Variants in TMTC3 observed in about 807,000 individuals in gnomAD.
TMTC3 encodes transmembrane O-mannosyltransferase targeting cadherins 3, also known as protein O-mannosyl-transferase TMTC3.
In TMTC3, 52 loss-of-function variants were observed where a neutral mutation model predicts 92.2. The ratio of observed to expected loss-of-function variants is 0.56; its 90% CI spans 0.45 to 0.71. The LOEUF is 0.71. Ranked by LOEUF, TMTC3 falls within the 30% of genes least tolerant of loss-of-function variation. TMTC3 has a pLI of 0.00. For missense variants in TMTC3, 896 were observed against 1,057.1 expected (o/e 0.85, Z 2.11); for synonymous variants, 339 against 363.3 (o/e 0.93, Z 0.76).
intron 3 of TMTC3, among the ~76,000 whole-genome samples, chr12:88,154,084 A>G (rs2040977119): frequency 6.6e-6 from 1 of 152,098 alleles, no homozygotes; most frequent in Non-Finnish European, 1.5e-5. Flanking sequence ...ATAAATTTAA[A>G]AAAGTATAAA....
At chr12:88,180,620 G>A (rs565374842) in intron 10 of TMTC3, among the ~76,000 whole-genome samples, 21 of 152,250 alleles carry the variant, frequency 1.4e-4, no homozygotes, top group African/African-American at 4.6e-4. Context: ...AATGTTTGGG[G>A]CTTGTGTCAT....
chr12:88,170,943 A>G (rs967224960), intron 7 of TMTC3, among the ~76,000 whole-genome samples: 3 of 152,172 alleles, frequency 2.0e-5, no homozygotes, highest in Non-Finnish European at 4.4e-5. Flanking sequence ...TTCAATGTTC[A>G]GTGTTATATT....
chr12:88,187,167 TA>T (rs71448730), intron 10 of TMTC3, among the ~76,000 whole-genome samples: 27,734 of 126,222 alleles, frequency 0.22, 3,045 homozygotes, highest in Non-Finnish European at 0.29. Context: ...ATTTATCTGG[TA>T]AAAAAAAAAA....
At chr12:88,144,409 T>G (rs188818634) in intron 1 of TMTC3, among the ~76,000 whole-genome samples, 1 of 137,338 alleles carries the variant, frequency 7.3e-6, no homozygotes, top group African/African-American at 3.0e-5. Context: ...TTTTCTTCTG[T>G]TTTTTTTTTC....
At chr12:88,162,004 T>C (rs1350072698) in intron 6 of TMTC3, among the ~76,000 whole-genome samples, 1 of 152,050 alleles carries the variant, frequency 6.6e-6, no homozygotes, top group African/African-American at 2.4e-5. Context: ...CTTTATTCCT[T>C]TGTTGGATAA....
intron 10 of TMTC3, among the ~76,000 whole-genome samples, chr12:88,180,066 C>A (rs906906578): frequency 6.6e-6 from 1 of 152,138 alleles, no homozygotes; most frequent in Admixed American, 6.5e-5. Context: ...CTACCCTGAC[C>A]GAACTCCTAC....
intron 7 of TMTC3, among the ~76,000 whole-genome samples, chr12:88,168,330 C>A (rs1565949977): frequency 6.6e-6 from 1 of 151,888 alleles, no homozygotes; most frequent in Non-Finnish European, 1.5e-5. Flanking sequence ...CTAGTATAGA[C>A]CTGTAGGAAT....
chr12:88,180,748 A>G (rs1241311579), intron 10 of TMTC3, among the ~76,000 whole-genome samples: 1 of 152,150 alleles, frequency 6.6e-6, no homozygotes, highest in Non-Finnish European at 1.5e-5. Context: ...GCTGGAATCC[A>G]TAGAGGACTT....
intron 6 of TMTC3, among the ~76,000 whole-genome samples, chr12:88,164,976 T>A (rs2041127658): frequency 6.6e-6 from 1 of 152,130 alleles, no homozygotes; most frequent in Non-Finnish European, 1.5e-5. Flanking sequence ...AAGATTGAAT[T>A]GTTTATATAA....
chr12:88,178,391 C>T (rs2041281948), intron 10 of TMTC3, among the ~76,000 whole-genome samples: 1 of 152,132 alleles, frequency 6.6e-6, no homozygotes, highest in African/African-American at 2.4e-5. Context: ...TCTCCCTTCT[C>T]CCTTTCCTCC....
chr12:88,142,899 C>G (rs1023151842), intron 1 of TMTC3, among the ~76,000 whole-genome samples: 2 of 152,066 alleles, frequency 1.3e-5, no homozygotes, highest in Non-Finnish European at 2.9e-5. Flanking sequence ...AGTACTTGTC[C>G]GGACCACTGC....
intron 2 of TMTC3, among the ~76,000 whole-genome samples, chr12:88,152,935 T>C (rs542886864): frequency 3.9e-5 from 6 of 152,318 alleles, no homozygotes; most frequent in Admixed American, 3.3e-4. Flanking sequence ...CTGATAGATA[T>C]GGAGGCAGGC....
intron 2 of TMTC3, among the ~76,000 whole-genome samples, chr12:88,150,065 G>A (rs915232185): frequency 3.9e-5 from 6 of 152,162 alleles, no homozygotes; most frequent in East Asian, 1.9e-4. Flanking sequence ...GTATTGCTAC[G>A]AAGAAATACC....
At chr12:88,149,897 A>T (rs374017354) in intron 2 of TMTC3, among the ~76,000 whole-genome samples, 15 of 152,106 alleles carry the variant, frequency 9.9e-5, no homozygotes, top group Non-Finnish European at 2.2e-4. Flanking sequence ...GTCCTCCTCT[A>T]TACCTACCTT....
intron 10 of TMTC3, among the ~76,000 whole-genome samples, chr12:88,185,731 TGC>T (rs1555234173): frequency 2.6e-5 from 4 of 152,218 alleles, no homozygotes; most frequent in Admixed American, 1.3e-4. Context: ...ATTCTTCATT[TGC>T]TGAGAATTTT....
At chr12:88,167,308 G>A (rs1436635860) in intron 7 of TMTC3, among the ~76,000 whole-genome samples, 1 of 152,038 alleles carries the variant, frequency 6.6e-6, no homozygotes, top group Non-Finnish European at 1.5e-5. Context: ...GGAGGCGGAG[G>A]CACAAGAATC....
chr12:88,190,812 G>A (rs929248776), intron 12 of TMTC3, among the ~76,000 whole-genome samples, 190 bp downstream of exon 12: 2 of 152,166 alleles, frequency 1.3e-5, no homozygotes, highest in Non-Finnish European at 2.9e-5. Context: ...TTAACAAGGG[G>A]AATCCCTAAC....
intron 10 of TMTC3, among the ~76,000 whole-genome samples, chr12:88,182,475 T>C (rs2041328938): frequency 6.6e-6 from 1 of 152,220 alleles, no homozygotes; most frequent in Non-Finnish European, 1.5e-5. Flanking sequence ...CCAGTAATTT[T>C]TGATAATCAT....
chr12:88,160,159 C>G lies in TMTC3; in HGVS notation c.554C>G (p.Thr185Arg). ...ALTVFLVAVA[T>R]LCKEQGITVV... is the part of the protein sequence containing the mutation. ...ACAGTGTTTTTAGTGGCTGTTGCAACATTATGTAAAGAACAAGGAATAACA... is the reference window on the plus strand; with the variant it reads ...ACAGTGTTTTTAGTGGCTGTTGCAAGATTATGTAAAGAACAAGGAATAACA... The change falls in exon 5 of 14, where the codon ACA becomes AGA. Residue 185 changes from threonine to arginine, a missense_variant. Physicochemically the swap from Thr to Arg is moderately conservative, Grantham distance 71. Transcript: ENST00000266712. The G allele has an allele frequency of 6.3e-7, 1 of 1,592,996 alleles. No homozygotes were observed. The highest frequency in any genetic ancestry group is 8.5e-7 in the Non-Finnish European group (1 of 1,172,148).
Sources: gnomAD v4.1 joint callset for allele counts (sites outside exome capture counted in the v4.1 genomes callset) on GRCh38, gnomAD v4.1.1 for gene constraint, MANE v1.5 for transcripts, NCBI Gene and HGNC (gene_info 2026-07-23, HGNC 2026-07-21) for gene names.